The following SLCO3A1 variants were observed in gnomAD, a reference collection of about 807,000 sequenced individuals.
SLCO3A1 encodes the protein solute carrier organic anion transporter family member 3A1.
A neutral mutation model predicts 63.1 loss-of-function variants in SLCO3A1; 27 were observed. That is an observed-to-expected ratio of 0.43 (90% CI 0.32 to 0.59). The LOEUF (loss-of-function observed/expected upper bound fraction) is 0.59, where lower values mean the gene tolerates loss of function less well. SLCO3A1 is among the 20% of genes least tolerant of loss of function. SLCO3A1 has a pLI of 0.09. For missense variants in SLCO3A1, 773 were observed against 945.8 expected (o/e 0.82, Z 2.40); for synonymous variants, 473 against 409.9 (o/e 1.15, Z -1.86).
At chr15:92,146,866 A>G (rs2048231549) in intron 7 of SLCO3A1, 118 bp from the exon 8 acceptor site, 2 of 905,122 alleles carry the variant, frequency 2.2e-6, no homozygotes, top group South Asian at 3.6e-5. Context: ...ATTCAGGCCT[A>G]ATTAATGGAA....
At chr15:91,984,745 A>G (rs2046029469) in intron 2 of SLCO3A1, among the ~76,000 whole-genome samples, 1 of 152,204 alleles carries the variant, frequency 6.6e-6, no homozygotes, top group South Asian at 2.1e-4. Context: ...TTTATTATTA[A>G]TGATTTTGAG....
In SLCO3A1 at chr15:91,856,325, G is replaced by A. The variant is rs1369498344; in HGVS notation, c.180+2237G>A. ...TTCATTTTGATTACTAGGAGTGGAGGCATAAGGCTCTAAGGGCTCTGCTTT... is the reference window on the plus strand; with the variant it reads ...TTCATTTTGATTACTAGGAGTGGAGACATAAGGCTCTAAGGGCTCTGCTTT... On this transcript the variant is annotated intron_variant, in intron 1 of 9. Coordinates refer to ENST00000318445, the MANE Select transcript of SLCO3A1 (RefSeq NM_013272.4). The surrounding 1 kb of genome is among the most constrained non-coding windows in gnomAD (Gnocchi z 4.9). Among the ~76,000 whole-genome samples, 1 of 152,122 alleles carries A rather than the reference G, an allele frequency of 6.6e-6. No homozygotes were observed. Among genetic ancestry groups the A allele is most frequent in the Non-Finnish European group, 1.5e-5 (1 of 68,022 alleles).
At position 92,164,841 on chromosome 15, in the gene SLCO3A1, G is replaced by A; in HGVS notation, c.*1706G>A. 1.0e-6 allele frequency: 1 copy of A among 985,378 alleles called. No individual in the cohort carries two copies. Among genetic ancestry groups the A allele is most frequent in the Non-Finnish European group, 1.2e-6 (1 of 829,938 alleles). 61.0% of individuals were successfully genotyped at this position (985,378 alleles called of 1,614,324 possible). A position where few individuals can be genotyped will look rare whatever the true frequency, so the allele number is the denominator to read the frequency against. On this transcript the variant is annotated 3_prime_UTR_variant, in exon 10 of 10. Transcript: ENST00000318445. The stretch of plus-strand genomic sequence containing the variant: ...CCTTCTACGGCCATTTCTGTAAGGG[G>A]ACAGAGCTTAGGTAAAGGCACACAC...
chr15:92,064,220 T>A (rs1258281342), intron 2 of SLCO3A1, among the ~76,000 whole-genome samples: 3 of 152,262 alleles, frequency 2.0e-5, no homozygotes, highest in Non-Finnish European at 4.4e-5. Flanking sequence ...CTGCTGAACC[T>A]TCCCAGAGCG....
At chr15:92,124,432 A>G (rs2047897946) in intron 5 of SLCO3A1, among the ~76,000 whole-genome samples, 1 of 152,106 alleles carries the variant, frequency 6.6e-6, no homozygotes, top group South Asian at 2.1e-4. Flanking sequence ...TCTGCTAGGA[A>G]ATGAAACAAA....
intron 1 of SLCO3A1, among the ~76,000 whole-genome samples, chr15:91,857,677 C>G (rs1743386670): frequency 6.6e-6 from 1 of 152,040 alleles, no homozygotes; most frequent in Admixed American, 6.5e-5. Flanking sequence ...TTGCAGAGAC[C>G]CCCTAAAATG....
chr15:91,975,402 G>T (rs1312763217), intron 2 of SLCO3A1, among the ~76,000 whole-genome samples: 1 of 152,214 alleles, frequency 6.6e-6, no homozygotes, highest in Non-Finnish European at 1.5e-5. Flanking sequence ...CTAAACATGA[G>T]AGCAGAGGAC....
intron 2 of SLCO3A1, among the ~76,000 whole-genome samples, chr15:91,976,897 A>C (rs1597179600): frequency 6.6e-6 from 1 of 152,192 alleles, no homozygotes; most frequent in East Asian, 1.9e-4. Flanking sequence ...GCGAGATCAC[A>C]GGACCACAGG....
intron 2 of SLCO3A1, among the ~76,000 whole-genome samples, chr15:91,959,861 C>G (rs1032750669): frequency 6.6e-6 from 1 of 152,126 alleles, no homozygotes; most frequent in Non-Finnish European, 1.5e-5. Flanking sequence ...ACCTCTTACT[C>G]ACTAGCAATC....
chr15:92,004,680 A>G (rs549971704), intron 2 of SLCO3A1, among the ~76,000 whole-genome samples: 1 of 152,362 alleles, frequency 6.6e-6, no homozygotes, highest in African/African-American at 2.4e-5. Context: ...GGCAGGGGAT[A>G]GATGCTGGTG....
chr15:92,125,824 G>A (rs1041148439), intron 5 of SLCO3A1, among the ~76,000 whole-genome samples: 6 of 151,766 alleles, frequency 4.0e-5, no homozygotes, highest in South Asian at 2.1e-4. Flanking sequence ...GGACAGGTGC[G>A]TGCACTTAGA....
In SLCO3A1 at chr15:91,883,226, T is replaced by C. The variant is rs974161787; in HGVS notation, c.180+29138T>C. 6.6e-6 allele frequency among the ~76,000 whole-genome samples: 1 copy of C among 152,230 alleles called. No individual in the cohort carries two copies. The highest frequency in any genetic ancestry group is 1.5e-5 in the Non-Finnish European group (1 of 68,040). The stretch of plus-strand genomic sequence containing the variant: ...GGCAGTAAGTGGTCTGGGTTTCACT[T>C]ACATCAGGTGCCCAGGAGTCTTCCT... On this transcript the variant is annotated intron_variant, in intron 1 of 9. Coordinates refer to ENST00000318445, the MANE Select transcript of SLCO3A1 (RefSeq NM_013272.4). The surrounding 1 kb of genome is among the most constrained non-coding windows in gnomAD (Gnocchi z 4.8).
chr15:91,867,139 G>A (rs951038435), intron 1 of SLCO3A1, among the ~76,000 whole-genome samples: 18 of 152,314 alleles, frequency 1.2e-4, no homozygotes, highest in African/African-American at 3.6e-4. Flanking sequence ...GGAGGCTGTC[G>A]GCATCTCTCT....
intron 2 of SLCO3A1, among the ~76,000 whole-genome samples, chr15:91,983,908 A>C (rs768478725): frequency 6.6e-6 from 1 of 152,188 alleles, no homozygotes; most frequent in African/African-American, 2.4e-5. Context: ...AGAAGCTGCC[A>C]TCTATTGTAC....
intron 2 of SLCO3A1, among the ~76,000 whole-genome samples, chr15:92,046,987 A>G (rs1399407098): frequency 1.2e-5 from 1 of 84,362 alleles, no homozygotes; most frequent in African/African-American, 4.5e-5. Context: ...AAATATATGT[A>G]TATATAAATA....
At position 92,092,622 on chromosome 15, in the gene SLCO3A1, G is replaced by A. The variant is rs576440968; in HGVS notation, c.647-2259G>A. Among the ~76,000 whole-genome samples, 4 of 152,146 alleles carry A rather than the reference G, an allele frequency of 2.6e-5. No homozygotes were observed. In the South Asian group the frequency reaches 8.3e-4, roughly 32 times the overall value. ...ATCTCTCTGGTCTAGTGTGGGTGCC[G>A]CTTCTGACTCGGACAACTGTTCTCC... On this transcript the variant is annotated intron_variant, in intron 2 of 9. Coordinates refer to ENST00000318445, the MANE Select transcript of SLCO3A1 (RefSeq NM_013272.4).
chr15:92,162,291 C>T (rs115602419), intron 9 of SLCO3A1: 2,130 of 153,836 alleles, frequency 0.014, 50 homozygotes, highest in African/African-American at 0.048. Context: ...CAGATGTGCA[C>T]CAACATGTAC....
intron 2 of SLCO3A1, among the ~76,000 whole-genome samples, chr15:92,060,566 C>T (rs2047075162): frequency 6.6e-6 from 1 of 151,854 alleles, no homozygotes; most frequent in African/African-American, 2.4e-5. Context: ...GTGGCGCAAG[C>T]TCGGCTCACT....
chr15:92,051,055 C>T (rs1002690918), intron 2 of SLCO3A1, among the ~76,000 whole-genome samples: 1 of 152,226 alleles, frequency 6.6e-6, no homozygotes, highest in Non-Finnish European at 1.5e-5. Flanking sequence ...GTCACTCTGT[C>T]ACATACACCT....
Sources: allele counts gnomAD v4.1 joint callset (sites outside exome capture counted in the v4.1 genomes callset), GRCh38; gene constraint gnomAD v4.1.1; non-coding constraint Gnocchi (gnomAD v3.1); transcripts MANE v1.5; gene names NCBI Gene and HGNC (gene_info 2026-07-23, HGNC 2026-07-21).